The following KLHL2 variants were observed in gnomAD, a reference collection of about 807,000 sequenced individuals.
KLHL2 encodes kelch-like protein 2.
A neutral mutation model predicts 75.8 loss-of-function variants in KLHL2; 15 were observed. The ratio of observed to expected loss-of-function variants is 0.20; its 90% CI spans 0.13 to 0.30. The LOEUF (loss-of-function observed/expected upper bound fraction) is 0.30. KLHL2 is among the 10% of genes least tolerant of loss of function. The probability of loss-of-function intolerance (pLI) is 1.00; values close to 1 mark genes in which losing one functional copy is unlikely to be tolerated. For synonymous variants in KLHL2, 214 were observed against 251.9 expected, an observed-to-expected ratio of 0.85 and a Z score of 1.42; for missense variants, 381 against 741.0, an observed-to-expected ratio of 0.51 and a Z score of 5.64.
Position 165,299,617 on chromosome 4 carries a change from T to C in KLHL2, c.882T>C (p.Ser294=), listed in dbSNP as rs1455464848. The change falls in exon 8 of 15, where the codon AGT becomes AGC. Residue 294 remains serine (S), a synonymous_variant. Transcript: ENST00000226725. ...LPTEQRILMK[S]VRTRLRTPMN... Reference sequence around the variant, plus strand: ...CAGAGCAGCGTATATTAATGAAGAGTGTCCGGACCCGGCTGAGGACACCCA... The same window carrying C: ...CAGAGCAGCGTATATTAATGAAGAGCGTCCGGACCCGGCTGAGGACACCCA... The C allele has an allele frequency of 1.9e-6, 3 of 1,613,254 alleles. No homozygotes were observed. The highest frequency in any genetic ancestry group is 2.5e-6 in the Non-Finnish European group (3 of 1,179,772).
At chr4:165,294,548 G>A in intron 6 of KLHL2, 80 bp downstream of exon 6, 2 of 704,318 alleles carry the variant, frequency 2.8e-6, no homozygotes, top group Non-Finnish European at 4.7e-6. Flanking sequence ...TTATAGCTTT[G>A]TGATCCTGTA....
At chr4:165,238,354 G>T (rs1269192525) in intron 3 of KLHL2, among the ~76,000 whole-genome samples, 2 of 152,176 alleles carry the variant, frequency 1.3e-5, no homozygotes, top group Non-Finnish European at 2.9e-5. Context: ...TTTGTTGAAG[G>T]AGTAATGCTA....
intron 5 of KLHL2, among the ~76,000 whole-genome samples, chr4:165,265,005 C>A (rs1742132638): frequency 6.6e-6 from 1 of 151,500 alleles, no homozygotes; most frequent in Non-Finnish European, 1.5e-5. Context: ...AGCATATAAG[C>A]GTTCCCGTTT....
intron 2 of KLHL2, among the ~76,000 whole-genome samples, chr4:165,227,516 T>C (rs1484808030): frequency 6.6e-6 from 1 of 152,110 alleles, no homozygotes; most frequent in African/African-American, 2.4e-5. Flanking sequence ...GGCCACCTTT[T>C]TAGGAAATAG....
At chr4:165,228,665 G>T in intron 2 of KLHL2, 142 bp from the exon 3 acceptor site, 1 of 571,364 alleles carries the variant, frequency 1.8e-6, no homozygotes, top group Non-Finnish European at 3.2e-6. Context: ...TCATGTTTAG[G>T]GATCATGTCC....
At chr4:165,273,155 C>T (rs1352709365) in intron 5 of KLHL2, among the ~76,000 whole-genome samples, 4 of 152,144 alleles carry the variant, frequency 2.6e-5, no homozygotes, top group Non-Finnish European at 4.4e-5. Context: ...TTATAACCTT[C>T]GTTACTCCCC....
intron 4 of KLHL2, among the ~76,000 whole-genome samples, chr4:165,243,664 C>A (rs1172634581): frequency 6.6e-6 from 1 of 152,174 alleles, no homozygotes; most frequent in Non-Finnish European, 1.5e-5. Context: ...GTAGAAAATT[C>A]AACATAGTGT....
intron 5 of KLHL2, among the ~76,000 whole-genome samples, chr4:165,271,786 T>C (rs553111367): frequency 9.4e-4 from 143 of 152,316 alleles, no homozygotes; most frequent in Non-Finnish European, 1.8e-3. Context: ...TGAGACTCAA[T>C]AGGAATAGTT....
At chr4:165,268,044 G>T (rs1742378434) in intron 5 of KLHL2, among the ~76,000 whole-genome samples, 1 of 152,252 alleles carries the variant, frequency 6.6e-6, no homozygotes, top group Non-Finnish European at 1.5e-5. Flanking sequence ...TCTTGGGAGG[G>T]TGTATGTGTC....
chr4:165,318,061 G>A, intron 14 of KLHL2, 92 bp downstream of exon 14: 1 of 1,181,476 alleles, frequency 8.5e-7, no homozygotes, highest in Non-Finnish European at 1.2e-6. Flanking sequence ...TAAGAATAAA[G>A]TCTTTTCTCA....
At chr4:165,259,876 C>T (rs537820917) in intron 4 of KLHL2, among the ~76,000 whole-genome samples, 64 of 152,182 alleles carry the variant, frequency 4.2e-4, no homozygotes, top group African/African-American at 1.5e-3. Flanking sequence ...TTTAACCCCT[C>T]GAGGGTGTGG....
intron 5 of KLHL2, among the ~76,000 whole-genome samples, chr4:165,275,965 A>G (rs1184244136): frequency 3.0e-5 from 4 of 133,852 alleles, no homozygotes; most frequent in African/African-American, 1.2e-4. Context: ...TACTAAAAAT[A>G]CCAAAAAAAA....
chr4:165,217,398 C>T (rs1737624386), intron 1 of KLHL2, among the ~76,000 whole-genome samples: 1 of 152,138 alleles, frequency 6.6e-6, no homozygotes, highest in South Asian at 2.1e-4. Flanking sequence ...GTTCTGCCAT[C>T]TTTTTGGCTT....
chr4:165,246,781 A>G (rs1306531913), intron 4 of KLHL2, among the ~76,000 whole-genome samples: 1 of 152,174 alleles, frequency 6.6e-6, no homozygotes, highest in African/African-American at 2.4e-5. Context: ...TTGGGCTTAC[A>G]AGTGGAGATG....
chr4:165,211,959 C>G (rs567869279), intron 1 of KLHL2, among the ~76,000 whole-genome samples: 1 of 152,104 alleles, frequency 6.6e-6, no homozygotes, highest in Non-Finnish European at 1.5e-5. Flanking sequence ...ATGGCTGTTA[C>G]GGATTTACAC....
At chr4:165,279,725 G>T in intron 5 of KLHL2, 1 of 1,145,834 alleles carries the variant, frequency 8.7e-7, no homozygotes, top group Non-Finnish European at 1.3e-6. Context: ...AGGGTGACGA[G>T]TCCAAAGAGC....
At chr4:165,210,069 T>C (rs1397258349) in intron 1 of KLHL2, 21 of 1,551,210 alleles carry the variant, frequency 1.4e-5, no homozygotes, top group Non-Finnish European at 8.7e-7. Flanking sequence ...TTAGGAAGAC[T>C]CAGCTTTTCA....
intron 3 of KLHL2, among the ~76,000 whole-genome samples, chr4:165,234,307 A>C (rs1274157418): frequency 6.6e-6 from 1 of 152,216 alleles, no homozygotes; most frequent in East Asian, 1.9e-4. Context: ...GACAAGTGGA[A>C]CTTGCAAAGT....
chr4:165,236,635 G>T (rs1739369062), intron 3 of KLHL2, among the ~76,000 whole-genome samples: 1 of 152,122 alleles, frequency 6.6e-6, no homozygotes, highest in Non-Finnish European at 1.5e-5. Context: ...GTAACAACTG[G>T]AATTAGATAT....
Sources: allele counts gnomAD v4.1 joint callset (sites outside exome capture counted in the v4.1 genomes callset), GRCh38; gene constraint gnomAD v4.1.1; transcripts MANE v1.5; gene names NCBI Gene and HGNC (gene_info 2026-07-23, HGNC 2026-07-21).